The following FBXL17 variants were observed in gnomAD, a reference collection of about 807,000 sequenced individuals.
FBXL17 encodes the protein F-box/LRR-repeat protein 17.
Under a neutral mutation model 66.2 loss-of-function variants are expected in FBXL17, and 22 were observed. That is an observed-to-expected ratio of 0.33 (90% CI 0.24 to 0.47). The LOEUF is 0.47. Among genes scored for constraint, FBXL17 ranks in the 20% least tolerant of loss-of-function variants. The pLI, the probability that FBXL17 is intolerant of heterozygous loss-of-function variation, is 1.00. For synonymous variants in FBXL17, 474 were observed against 400.5 expected (o/e 1.18, Z -2.19); for missense variants, 878 against 948.2 (o/e 0.93, Z 0.97).
chr5:108,250,338 A>G (rs1756292295), intron 4 of FBXL17, among the ~76,000 whole-genome samples: 1 of 152,162 alleles, frequency 6.6e-6, no homozygotes, highest in Non-Finnish European at 1.5e-5. Context: ...TTTTAAGGTC[A>G]ATGATTACCA....
chr5:108,211,227 G>T (rs1037368576), intron 5 of FBXL17, among the ~76,000 whole-genome samples: 2 of 151,992 alleles, frequency 1.3e-5, no homozygotes, highest in Admixed American at 1.3e-4. Context: ...GTCTTTGCAC[G>T]TGAGATGGGT....
At chr5:107,924,876 T>TA (rs778124671) in intron 7 of FBXL17, among the ~76,000 whole-genome samples, 3 of 152,224 alleles carry the variant, frequency 2.0e-5, no homozygotes, top group Non-Finnish European at 4.4e-5. Flanking sequence ...AAGAAGCTAA[T>TA]ATGTGAAATA....
At chr5:108,370,264 G>T (rs552627918) in intron 1 of FBXL17, among the ~76,000 whole-genome samples, 56 of 152,192 alleles carry the variant, frequency 3.7e-4, no homozygotes, top group African/African-American at 1.3e-3. Flanking sequence ...TATTAGTCAA[G>T]GATTTGTTGT....
chr5:108,212,083 A>ATCAGTTT (rs1255051098), intron 5 of FBXL17, among the ~76,000 whole-genome samples: 1 of 152,116 alleles, frequency 6.6e-6, no homozygotes, highest in East Asian at 1.9e-4. Context: ...TTGATCTTCA[A>ATCAGTTT]TCAATGATAT....
chr5:108,323,532 T>C (rs1028753693), intron 4 of FBXL17, among the ~76,000 whole-genome samples: 1 of 151,976 alleles, frequency 6.6e-6, no homozygotes, highest in African/African-American at 2.4e-5. Flanking sequence ...CTCATTGCAA[T>C]ATACAGGTTC....
intron 7 of FBXL17, among the ~76,000 whole-genome samples, chr5:107,936,618 C>T (rs1006448373): frequency 3.3e-5 from 5 of 151,938 alleles, no homozygotes; most frequent in African/African-American, 9.7e-5. Context: ...ACAAAGGCCC[C>T]TATGTAGGTG....
intron 6 of FBXL17, among the ~76,000 whole-genome samples, chr5:108,055,140 G>A (rs1362209955): frequency 1.3e-5 from 2 of 151,488 alleles, no homozygotes; most frequent in African/African-American, 4.9e-5. Context: ...ATTCAATATT[G>A]TTCCTCTTGT....
At chr5:108,310,382 T>C (rs533429595) in intron 4 of FBXL17, among the ~76,000 whole-genome samples, 189 of 152,316 alleles carry the variant, frequency 1.2e-3, no homozygotes, top group African/African-American at 4.4e-3. Flanking sequence ...GTTTTTACTC[T>C]AAGAGCTGCT....
At chr5:108,034,175 C>T (rs1322256760) in intron 6 of FBXL17, among the ~76,000 whole-genome samples, 1 of 152,148 alleles carries the variant, frequency 6.6e-6, no homozygotes, top group East Asian at 1.9e-4. Flanking sequence ...AGGACACACA[C>T]CTTTAGTCAT....
chr5:108,130,768 C>G (rs558050652), intron 6 of FBXL17, among the ~76,000 whole-genome samples: 1 of 152,002 alleles, frequency 6.6e-6, no homozygotes, highest in African/African-American at 2.4e-5. Context: ...TCAAAGATGG[C>G]ACAACCACAT....
chr5:107,952,726 C>T lies in FBXL17; in HGVS notation c.1822+68199G>A, dbSNP rs193145853. Reference sequence around the variant, plus strand: ...AGCAAGGCTAGCTGAACTATTCAAACGGCATAAATGGCATGTTGAAATATT... The same window carrying T: ...AGCAAGGCTAGCTGAACTATTCAAATGGCATAAATGGCATGTTGAAATATT... On this transcript the variant is annotated intron_variant, in intron 7 of 8. Transcript: ENST00000542267. Among the ~76,000 whole-genome samples, 249 of 152,218 alleles carry T rather than the reference C, an allele frequency of 1.6e-3. 1 individual carries two copies. Among genetic ancestry groups the T allele is most frequent in the Admixed American group, 3.2e-3 (49 of 15,286 alleles).
intron 4 of FBXL17, among the ~76,000 whole-genome samples, chr5:108,238,298 C>G (rs924037275): frequency 6.6e-6 from 1 of 152,132 alleles, no homozygotes; most frequent in Non-Finnish European, 1.5e-5. Flanking sequence ...ATTTAAAGTA[C>G]TTTTCTTTTA....
chr5:108,119,441 GTGA>G (rs2149962589), intron 6 of FBXL17, among the ~76,000 whole-genome samples: 1 of 152,320 alleles, frequency 6.6e-6, no homozygotes, highest in South Asian at 2.1e-4. Flanking sequence ...CCAGCCAGCT[GTGA>G]AGTTCTTCCT....
chr5:108,035,360 C>T (rs1014176039), intron 6 of FBXL17, among the ~76,000 whole-genome samples: 1 of 151,578 alleles, frequency 6.6e-6, no homozygotes, highest in African/African-American at 2.4e-5. Flanking sequence ...ATTTTTTGTT[C>T]GTTTGTTTGT....
chr5:108,252,742 G>C (rs2150115361), intron 4 of FBXL17, among the ~76,000 whole-genome samples: 1 of 152,194 alleles, frequency 6.6e-6, no homozygotes, highest in Non-Finnish European at 1.5e-5. Flanking sequence ...AATAACTATA[G>C]CCCACAAGAG....
chr5:108,057,952 G>A (rs142505904), intron 6 of FBXL17, among the ~76,000 whole-genome samples: 19 of 152,230 alleles, frequency 1.2e-4, no homozygotes, highest in African/African-American at 3.9e-4. Flanking sequence ...ATCTTCATTT[G>A]ACGAATGAAG....
intron 6 of FBXL17, among the ~76,000 whole-genome samples, chr5:108,023,072 T>C (rs1324591676): frequency 1.3e-5 from 2 of 152,112 alleles, no homozygotes; most frequent in African/African-American, 2.4e-5. Flanking sequence ...GGGAGAAATA[T>C]AAGAGAAAAG....
intron 8 of FBXL17, among the ~76,000 whole-genome samples, chr5:107,872,685 A>G (rs1748495878): frequency 6.6e-6 from 1 of 152,208 alleles, no homozygotes; most frequent in South Asian, 2.1e-4. Context: ...AGGAGAAGGA[A>G]AGAGACGAAG....
chr5:108,144,050 T>C (rs1751466166), intron 6 of FBXL17, among the ~76,000 whole-genome samples: 1 of 152,050 alleles, frequency 6.6e-6, no homozygotes, highest in Admixed American at 6.5e-5. Flanking sequence ...ATTTATATGA[T>C]GATGGCAGAA....
Sources: allele counts gnomAD v4.1 joint callset (sites outside exome capture counted in the v4.1 genomes callset), GRCh38; gene constraint gnomAD v4.1.1; transcripts MANE v1.5; gene names NCBI Gene and HGNC (gene_info 2026-07-23, HGNC 2026-07-21).